The following CALCOCO2 variants were observed in gnomAD, a reference collection of about 807,000 sequenced individuals.
The protein encoded by CALCOCO2 is calcium-binding and coiled-coil domain-containing protein 2.
A neutral mutation model predicts 62.5 loss-of-function variants in CALCOCO2; 42 were observed. The ratio of observed to expected loss-of-function variants is 0.67; its 90% CI spans 0.53 to 0.87. CALCOCO2 has a LOEUF of 0.87. Ranked by LOEUF, CALCOCO2 falls within the 40% of genes least tolerant of loss-of-function variation. CALCOCO2 has a pLI of 0.00. For synonymous variants in CALCOCO2, 167 were observed against 173.0 expected (o/e 0.97, Z 0.27); for missense variants, 456 against 515.0 (o/e 0.89, Z 1.11).
At chr17:48,852,780 T>G in intron 8 of CALCOCO2, 146 bp from the exon 9 acceptor site, 1 of 972,816 alleles carries the variant, frequency 1.0e-6, no homozygotes, top group Non-Finnish European at 1.6e-6. Context: ...ATGAGATAGC[T>G]CATGGCTTTC....
In CALCOCO2 at chr17:48,851,544, T is replaced by C. The variant is rs1413103906; in HGVS notation, c.633-15T>C. The C allele has an allele frequency of 1.3e-6, 2 of 1,505,052 alleles. No individual in the cohort carries two copies. Among genetic ancestry groups the C allele is most frequent in the African/African-American group, 1.4e-5 (1 of 72,862 alleles). The allele number at this position is 1,505,052 out of a possible 1,614,324, so 93.2% of individuals were successfully genotyped here. ...AATCAGTGAATTTTTCACATAGTTA[T>C]CTCCACCTCTACAGACTGAAAGAAC... On this transcript the variant is annotated splice_polypyrimidine_tract_variant and intron_variant, in intron 6 of 12. Transcript: ENST00000258947.
At chr17:48,837,008 G>A (rs1367691470) in intron 1 of CALCOCO2, among the ~76,000 whole-genome samples, 1 of 152,142 alleles carries the variant, frequency 6.6e-6, no homozygotes, top group Non-Finnish European at 1.5e-5. Context: ...TGATCTGCCT[G>A]CCTTGGCCTC....
chr17:48,863,071 T>A lies in CALCOCO2; in HGVS notation c.*66T>A. On this transcript the variant is annotated 3_prime_UTR_variant, in exon 13 of 13. Transcript: ENST00000258947. ...TAGAACCTATAGCTTCTACCATGAGTTATATGAGTCAAGATCCTGCCTAAC... is the reference window on the plus strand; with the variant it reads ...TAGAACCTATAGCTTCTACCATGAGATATATGAGTCAAGATCCTGCCTAAC... 1 of 1,198,014 alleles carries A rather than the reference T, an allele frequency of 8.3e-7. No individual in the cohort carries two copies. The highest frequency in any genetic ancestry group is 1.2e-6 in the Non-Finnish European group (1 of 802,018). 74.2% of individuals were successfully genotyped at this position (1,198,014 alleles called of 1,614,324 possible).
intron 2 of CALCOCO2, among the ~76,000 whole-genome samples, chr17:48,844,348 CT>C (rs2040017479): frequency 6.7e-6 from 1 of 149,236 alleles, no homozygotes; most frequent in Non-Finnish European, 1.5e-5. Context: ...TTTTTTTTTT[CT>C]TTTTGGAACA....
chr17:48,837,536 C>T (rs1030406682), intron 1 of CALCOCO2, among the ~76,000 whole-genome samples: 1 of 152,074 alleles, frequency 6.6e-6, no homozygotes, highest in Non-Finnish European at 1.5e-5. Flanking sequence ...GTCCCAGTTA[C>T]TCAGGAGGCT....
intron 1 of CALCOCO2, among the ~76,000 whole-genome samples, chr17:48,836,090 C>G (rs2039887265): frequency 6.6e-6 from 1 of 152,138 alleles, no homozygotes; most frequent in Admixed American, 6.6e-5. Context: ...GAAACTATAC[C>G]AAGCTACCCC....
intron 5 of CALCOCO2, 166 bp from the exon 6 acceptor site, chr17:48,850,917 TAAAAAA>T (rs35936083): frequency 5.6e-6 from 2 of 358,834 alleles, no homozygotes; most frequent in Non-Finnish European, 5.2e-6. Context: ...GACACTGTCT[TAAAAAA>T]AAAAAAAAAA....
chr17:48,852,340 A>C, intron 7 of CALCOCO2, 166 bp from the exon 8 acceptor site: 1 of 580,560 alleles, frequency 1.7e-6, no homozygotes, highest in Non-Finnish European at 3.1e-6. Context: ...TTAGGAAGCT[A>C]TGCCTTAAAG....
chr17:48,846,224 C>G, intron 2 of CALCOCO2: 1 of 558,586 alleles, frequency 1.8e-6, no homozygotes, highest in Non-Finnish European at 3.1e-6. Context: ...GCAACCTCTG[C>G]CTCCTGGGTT....
In CALCOCO2 at chr17:48,858,046, A is replaced by ATAGAATATAGAATAGAATAGAATAG; in HGVS notation, c.1008+1859_1008+1860insTAGAATATAGAATAGAATAGAATAG. Among the ~76,000 whole-genome samples the ATAGAATATAGAATAGAATAGAATAG allele has an allele frequency of 1.0e-4, 4 of 40,038 alleles. 1 individual carries two copies. The highest frequency in any genetic ancestry group is 1.5e-4 in the Non-Finnish European group (3 of 20,528). The allele number at this position is 40,038 out of a possible 152,430, so 26.3% of individuals were successfully genotyped here. On this transcript the variant is annotated intron_variant, in intron 10 of 12. Transcript: ENST00000258947. ...ATAGAATAGAATAGAATAGAATAGA[A>ATAGAATATAGAATAGAATAGAATAG]AATAGAATAGAATAGAATAGAATAG...
At chr17:48,841,267 A>T (rs2039971357) in intron 1 of CALCOCO2, among the ~76,000 whole-genome samples, 1 of 152,208 alleles carries the variant, frequency 6.6e-6, no homozygotes, top group Non-Finnish European at 1.5e-5. Context: ...TAATTATAGG[A>T]TAAATGGGAT....
intron 9 of CALCOCO2, among the ~76,000 whole-genome samples, chr17:48,854,397 T>TATATATATATATATATATATATA (rs1491128634): frequency 1.1e-3 from 2 of 1,756 alleles, no homozygotes; most frequent in African/African-American, 1.9e-3. Context: ...TATATATATA[T>TATATATATATATATATATATATA]TTTTTTTTTT....
At chr17:48,835,218 C>G (rs2039874611) in intron 1 of CALCOCO2, among the ~76,000 whole-genome samples, 1 of 152,168 alleles carries the variant, frequency 6.6e-6, no homozygotes, top group Admixed American at 6.5e-5. Flanking sequence ...CCTGAAAACT[C>G]AGTAGATGCC....
At chr17:48,836,513 T>G (rs2039892468) in intron 1 of CALCOCO2, among the ~76,000 whole-genome samples, 1 of 152,224 alleles carries the variant, frequency 6.6e-6, no homozygotes, top group African/African-American at 2.4e-5. Context: ...GTTAGTTCAT[T>G]TATCCAACAA....
intron 3 of CALCOCO2, 66 bp from the exon 4 acceptor site, chr17:48,848,256 G>A (rs1040992290): frequency 1.3e-6 from 2 of 1,569,846 alleles, no homozygotes; most frequent in African/African-American, 2.7e-5. Flanking sequence ...CAGATAAAAA[G>A]ATTTCCAGAA....
chr17:48,856,556 C>T (rs186848997), intron 10 of CALCOCO2: 30 of 457,074 alleles, frequency 6.6e-5, no homozygotes, highest in Non-Finnish European at 1.3e-4. Context: ...CAACTTTTTC[C>T]TTTTTCTCTG....
chr17:48,849,315 G>A lies in CALCOCO2; in HGVS notation c.481G>A (p.Asp161Asn). The part of the protein sequence containing the change: ...ELCKENQELK[D>N]SCISLQKQNS... ...TTGCAAAGAAAACCAGGAGCTGAAG[G>A]ACAGCTGTATCAGCCTCCAGAAGCA... The change falls in exon 5 of 13, where the codon GAC (aspartate) becomes AAC (asparagine). Residue 161 changes from aspartate (D) to asparagine (N), a missense_variant. Transcript: ENST00000258947. 1.9e-6 allele frequency: 3 copies of A among 1,613,352 alleles called. No homozygotes were observed. Among genetic ancestry groups the A allele is most frequent in the Non-Finnish European group, 2.5e-6 (3 of 1,179,354 alleles).
Position 48,851,720 on chromosome 17 carries a change from G to A in CALCOCO2, c.702+92G>A, listed in dbSNP as rs200905558. On this transcript the variant is annotated intron_variant, in intron 7 of 12. Transcript: ENST00000258947. ...CTAGAAAGATGTATTTCATTGCAGT[G>A]AGTGCCTAATGGCATACTTTTCAAA... 92 of 776,672 alleles carry A rather than the reference G, an allele frequency of 1.2e-4. No individual in the cohort carries two copies. The East Asian group carries it at 1.5e-3, about 12-fold the overall frequency. The allele number at this position is 776,672 out of a possible 1,614,324, so 48.1% of individuals were successfully genotyped here.
At chr17:48,841,644 C>A in intron 1 of CALCOCO2, 54 bp from the exon 2 acceptor site, 1 of 1,286,532 alleles carries the variant, frequency 7.8e-7, no homozygotes, top group Non-Finnish European at 1.1e-6. Flanking sequence ...CAGAAATCAC[C>A]AACATTTCAG....
Sources: gnomAD v4.1 joint callset for allele counts (sites outside exome capture counted in the v4.1 genomes callset) on GRCh38, gnomAD v4.1.1 for gene constraint, MANE v1.5 for transcripts, NCBI Gene and HGNC (gene_info 2026-07-23, HGNC 2026-07-21) for gene names.